Variants in SERINC3 observed in about 807,000 individuals in gnomAD.
SERINC3 encodes the protein tumor differentially expressed protein 1.
SERINC3 carries 22 observed loss-of-function variants against 52.1 expected under a neutral mutation model. The observed-to-expected ratio is 0.42, with a 90% CI of 0.30 to 0.60. The LOEUF (loss-of-function observed/expected upper bound fraction) is 0.60, where lower values mean the gene tolerates loss of function less well. SERINC3 is among the 20% of genes least tolerant of loss of function. SERINC3 has a pLI of 0.16. For missense variants in SERINC3, 564 were observed against 584.6 expected, an observed-to-expected ratio of 0.96 and a Z score of 0.36; for synonymous variants, 226 against 212.7, an observed-to-expected ratio of 1.06 and a Z score of -0.54.
rs1217647330 is a variant in SERINC3, at chr20:44,514,058, T to C, written c.40-18A>G. ...CATGGAACCTGGAATGAGCACACCA[T>C]GGTCACCTGAGACCGCCTTCAGTAT... On this transcript the variant is annotated intron_variant, in intron 1 of 9. Transcript: ENST00000342374. 1.2e-6 allele frequency: 2 copies of C among 1,612,436 alleles called. No individual in the cohort carries two copies. The highest frequency in any genetic ancestry group is 1.3e-5 in the African/African-American group (1 of 74,990).
At chr20:44,520,784 A>T (rs1270938930) in intron 1 of SERINC3, among the ~76,000 whole-genome samples, 3 of 152,192 alleles carry the variant, frequency 2.0e-5, no homozygotes, top group African/African-American at 7.2e-5. Context: ...CACAAAATAA[A>T]ATACTTTTAT....
At chr20:44,513,850 A>C (rs367841887) in intron 2 of SERINC3, 29 bp downstream of exon 2, 4 of 1,505,588 alleles carry the variant, frequency 2.7e-6, no homozygotes, top group Non-Finnish European at 3.6e-6. Flanking sequence ...AAAAATAACC[A>C]ATACCTTAAG....
chr20:44,519,361 T>G (rs1042709649), intron 1 of SERINC3: 1 of 946,284 alleles, frequency 1.1e-6, no homozygotes, highest in Non-Finnish European at 1.3e-6. Flanking sequence ...GTCAGGAGAT[T>G]GAGACCATCC....
intron 1 of SERINC3, among the ~76,000 whole-genome samples, chr20:44,521,622 C>T (rs771012496): frequency 3.9e-5 from 6 of 152,238 alleles, no homozygotes; most frequent in African/African-American, 9.6e-5. Flanking sequence ...ATTCCTTGGT[C>T]CCTCTCCAGC....
chr20:44,503,553 C>A (rs923342691), intron 8 of SERINC3, among the ~76,000 whole-genome samples: 4 of 152,120 alleles, frequency 2.6e-5, no homozygotes, highest in Non-Finnish European at 4.4e-5. Context: ...GAGCCTGAGG[C>A]AGAAGAACTG....
Position 44,509,890 on chromosome 20 carries a change from C to A in SERINC3, c.613+1G>T. Reference sequence around the variant, plus strand: ...TAACATAGGTGAGTAGAGATACCTACCAGCATACCACAACCTTGGGTTTCC... The same window carrying A: ...TAACATAGGTGAGTAGAGATACCTAACAGCATACCACAACCTTGGGTTTCC... On this transcript the variant is annotated splice_donor_variant, in intron 5 of 9. Transcript: ENST00000342374. LOFTEE classifies it high-confidence loss of function. The A allele has an allele frequency of 2.5e-6, 4 of 1,613,988 alleles. No individual in the cohort carries two copies. The highest frequency in any genetic ancestry group is 3.4e-6 in the Non-Finnish European group (4 of 1,179,896).
At position 44,500,900 on chromosome 20, in the gene SERINC3, T is replaced by C. The variant is rs1264698657; in HGVS notation, c.1283+173A>G. On this transcript the variant is annotated intron_variant, in intron 9 of 9. Transcript: ENST00000342374. ...CTGTAAGAGCTCCCAATGATTTGCA[T>C]TGCAAAGAATTCCAATGGGTTTTAA... is the stretch of plus-strand genomic sequence containing the variant. Among the ~76,000 whole-genome samples, 10 of 152,176 alleles carry C rather than the reference T, an allele frequency of 6.6e-5. No individual in the cohort carries two copies. In the East Asian group the frequency reaches 1.2e-3, roughly 18 times the overall value.
At chr20:44,514,518 G>A (rs1198274402) in intron 1 of SERINC3, among the ~76,000 whole-genome samples, 1 of 151,992 alleles carries the variant, frequency 6.6e-6, no homozygotes, top group East Asian at 1.9e-4. Flanking sequence ...CCAGCACTTT[G>A]GGAGGCCGAG....
Position 44,512,923 on chromosome 20 carries a change from C to G in SERINC3, c.273G>C (p.Val91=). The G allele has an allele frequency of 1.3e-6, 2 of 1,561,822 alleles. No individual in the cohort carries two copies. Among genetic ancestry groups the G allele is most frequent in the African/African-American group, 1.4e-5 (1 of 71,330 alleles). The part of the protein sequence containing the change: ...ADINADKDCD[V]LVGYKAVYRI... ...GATACACAGCTTTATAACCAACCAG[C>G]ACATCACAATCTTTATCTGCATTTA... Residue 91 remains valine (V), a synonymous_variant, in exon 3 of 10, where the codon GTG becomes GTC. Coordinates refer to ENST00000342374, the MANE Select transcript of SERINC3 (RefSeq NM_006811.4).
At chr20:44,512,051 G>A (rs1390805187) in intron 3 of SERINC3, among the ~76,000 whole-genome samples, 3 of 152,152 alleles carry the variant, frequency 2.0e-5, no homozygotes, top group Admixed American at 6.6e-5. Context: ...AGTGGCTCAC[G>A]CCTGTAAGCC....
chr20:44,501,214 C>G lies in SERINC3; in HGVS notation c.1142G>C (p.Gly381Ala), dbSNP rs930490237. 3.1e-6 allele frequency: 5 copies of G among 1,614,196 alleles called. No homozygotes were observed. The South Asian group carries it at 5.5e-5, about 18-fold the overall frequency. Residue 381 changes from glycine (G) to alanine (A), a missense_variant, in exon 9 of 10, where the codon GGT (glycine) becomes GCT (alanine). Gly to Ala is a moderately conservative substitution (Grantham distance 60, BLOSUM62 0). Transcript: ENST00000342374. ...CTGTCCATCTTCTTCATCACTGGCA[C>G]CACTGGTAGTTGTATCACCAAGGAT... ...SVILGDTTTS[G>A]ASDEEDGQPR... is the part of the protein sequence containing the mutation.
At chr20:44,509,818 A>C (rs2064336033) in intron 5 of SERINC3, 73 bp downstream of exon 5, 1 of 1,506,978 alleles carries the variant, frequency 6.6e-7, no homozygotes, top group East Asian at 2.3e-5. Flanking sequence ...TGCTGGGACT[A>C]TAATGATGAT....
Position 44,498,854 on chromosome 20 carries a change from C to T in SERINC3, c.*1442G>A, listed in dbSNP as rs1447421899. 6.6e-6 allele frequency: 1 copy of T among 152,216 alleles called. No homozygotes were observed. Among genetic ancestry groups the T allele is most frequent in the Non-Finnish European group, 1.5e-5 (1 of 68,042 alleles). The allele number at this position is 152,216 out of a possible 1,614,324, so 9.4% of individuals were successfully genotyped here. On this transcript the variant is annotated 3_prime_UTR_variant, in exon 10 of 10. Transcript: ENST00000342374. ...CCCTTTAAAATTCAGTCCCTGACTACATTTCCCCATTCCAGCTTTACTGAA... is the reference window on the plus strand; with the variant it reads ...CCCTTTAAAATTCAGTCCCTGACTATATTTCCCCATTCCAGCTTTACTGAA...
chr20:44,496,439 T>G (rs2064249849), downstream of SERINC3: 1 of 152,340 alleles, frequency 6.6e-6, no homozygotes, highest in African/African-American at 2.4e-5. Flanking sequence ...GCCTACTATC[T>G]GTTATCAATC....
At chr20:44,507,093 A>C in intron 5 of SERINC3, 97 bp from the exon 6 acceptor site, 3 of 898,640 alleles carry the variant, frequency 3.3e-6, no homozygotes, top group Non-Finnish European at 4.7e-6. Context: ...AGGAGACATT[A>C]TGTCACTTTT....
intron 2 of SERINC3, 21 bp downstream of exon 2, chr20:44,513,858 A>G: frequency 6.4e-7 from 1 of 1,561,354 alleles, no homozygotes. Context: ...CCAATACCTT[A>G]AGGGCACTGT....
rs766353388 is a variant in SERINC3, at chr20:44,500,416, C to T, written c.1302G>A (p.Gln434=). 1.9e-6 allele frequency: 3 copies of T among 1,573,060 alleles called. No homozygotes were observed. The South Asian group carries it at 3.5e-5, about 18-fold the overall frequency. ...CAGCTGGCCACTTGCTGGTCATGCT[C>T]TGAAACTTTGCATCAGGGCTAAGAA... ...TSWYSPDAKF[Q]SMTSKWPAVW... is the part of the protein sequence containing the mutation. Residue 434 remains glutamine (Q), a synonymous_variant, in exon 10 of 10, where the codon CAG becomes CAA. Coordinates refer to ENST00000342374, the MANE Select transcript of SERINC3 (RefSeq NM_006811.4).
At chr20:44,516,918 C>T (rs1232633872) in intron 1 of SERINC3, among the ~76,000 whole-genome samples, 3 of 152,146 alleles carry the variant, frequency 2.0e-5, no homozygotes, top group Admixed American at 2.0e-4. Context: ...GAGGGGGTGA[C>T]ATTATCAAGT....
chr20:44,506,384 GAGTTCAGC>G (rs1438327299), intron 6 of SERINC3, among the ~76,000 whole-genome samples: 3 of 150,964 alleles, frequency 2.0e-5, no homozygotes, highest in Middle Eastern at 3.2e-3. Context: ...ACGAGGTCAA[GAGTTCAGC>G]CTGGCCAAGA....
Sources: allele counts gnomAD v4.1 joint callset (sites outside exome capture counted in the v4.1 genomes callset), GRCh38; gene constraint gnomAD v4.1.1; transcripts MANE v1.5; gene names NCBI Gene and HGNC (gene_info 2026-07-23, HGNC 2026-07-21).